The following INPP5F variants were observed in gnomAD, a reference collection of about 807,000 sequenced individuals.
INPP5F encodes inositol polyphosphate-5-phosphatase F, also known as phosphatidylinositide 4-phosphatase SAC2.
Under a neutral mutation model 137.2 loss-of-function variants are expected in INPP5F, and 97 were observed. The ratio of observed to expected loss-of-function variants is 0.71; its 90% CI spans 0.60 to 0.84. The LOEUF (loss-of-function observed/expected upper bound fraction) is 0.84. Ranked by LOEUF, INPP5F falls within the 40% of genes least tolerant of loss-of-function variation. The pLI is 0.00. For missense variants in INPP5F, 1,271 were observed against 1,371.9 expected, an observed-to-expected ratio of 0.93 and a Z score of 1.16; for synonymous variants, 504 against 476.9, an observed-to-expected ratio of 1.06 and a Z score of -0.74.
chr10:119,735,891 A>T (rs1848202019), intron 1 of INPP5F, among the ~76,000 whole-genome samples: 1 of 152,198 alleles, frequency 6.6e-6, no homozygotes, highest in Non-Finnish European at 1.5e-5. Flanking sequence ...CCACTTTGGG[A>T]GGCTGAAGTG....
intron 2 of INPP5F, among the ~76,000 whole-genome samples, chr10:119,779,298 G>A (rs1849627553): frequency 6.6e-6 from 1 of 152,174 alleles, no homozygotes; most frequent in East Asian, 1.9e-4. Flanking sequence ...GGATGAGTCA[G>A]TGAGTGAATG....
Position 119,827,850 on chromosome 10 carries a change from T to A in INPP5F, c.*70T>A. The A allele has an allele frequency of 8.9e-7, 1 of 1,123,954 alleles. No homozygotes were observed. 69.6% of individuals were successfully genotyped at this position (1,123,954 alleles called of 1,614,324 possible). ...GAAATTTTCACCTCTTGGGGTATTT[T>A]AATTGTACTGTCTGAACCCAGGGAT... On this transcript the variant is annotated 3_prime_UTR_variant, in exon 20 of 20. Transcript: ENST00000650623.
At chr10:119,763,519 C>T (rs941304603) in intron 2 of INPP5F, among the ~76,000 whole-genome samples, 5 of 152,200 alleles carry the variant, frequency 3.3e-5, no homozygotes, top group African/African-American at 1.2e-4. Flanking sequence ...GCCTGTAAAA[C>T]CCAGGAAGAC....
intron 3 of INPP5F, among the ~76,000 whole-genome samples, chr10:119,789,657 T>G (rs1850065477): frequency 6.6e-6 from 1 of 151,918 alleles, no homozygotes; most frequent in Non-Finnish European, 1.5e-5. Flanking sequence ...GACATCCCAG[T>G]GGAAATGTTG....
chr10:119,763,275 G>T (rs1451045012), intron 2 of INPP5F, among the ~76,000 whole-genome samples: 1 of 152,208 alleles, frequency 6.6e-6, no homozygotes, highest in African/African-American at 2.4e-5. Context: ...TGAGGTGGGG[G>T]CCCTGCCTCC....
rs1850223616 is a variant in INPP5F at position 119,793,605 on chromosome 10, C to T, written c.669+1392C>T. 3 of 152,206 alleles carry T rather than the reference C, an allele frequency of 2.0e-5. No individual in the cohort carries two copies. In the South Asian group the frequency reaches 6.2e-4, roughly 32 times the overall value. 9.4% of individuals were successfully genotyped at this position (152,206 alleles called of 1,614,324 possible). ...CTCTGCAGATAATAAGTTGAGAAAT[C>T]TGTCTTCTTAGTCTGAAAGAGACAG... On this transcript the variant is annotated intron_variant, in intron 6 of 19. Transcript: ENST00000650623.
At chr10:119,817,955 T>C (rs1564851272) in intron 15 of INPP5F, among the ~76,000 whole-genome samples, 3 of 152,230 alleles carry the variant, frequency 2.0e-5, no homozygotes, top group African/African-American at 7.2e-5. Flanking sequence ...TTTAAATATC[T>C]GGTGGAAAAA....
chr10:119,771,879 T>TATATATATAC (rs1849369241), intron 2 of INPP5F, among the ~76,000 whole-genome samples: 11 of 20,014 alleles, frequency 5.5e-4, no homozygotes, highest in Non-Finnish European at 6.6e-4. Flanking sequence ...TATATATATA[T>TATATATATAC]ATATTTTTTT....
intron 9 of INPP5F, 90 bp from the exon 10 acceptor site, chr10:119,804,083 C>T (rs1850683208): frequency 3.4e-6 from 3 of 883,696 alleles, no homozygotes; most frequent in South Asian, 2.1e-5. Context: ...TATTAAAAAC[C>T]ACACTGTGAT....
rs182819377 is a variant in INPP5F, at chr10:119,793,318, T to C, written c.669+1105T>C. Among the ~76,000 whole-genome samples the C allele has an allele frequency of 9.2e-5, 14 of 152,348 alleles. No individual in the cohort carries two copies. In the East Asian group the frequency reaches 2.7e-3, roughly 29 times the overall value. ...GAAATACAAATAATGGGAATGGTGATAAGAATGCAGGTAGATCCTTTACCT... is the reference window on the plus strand; with the variant it reads ...GAAATACAAATAATGGGAATGGTGACAAGAATGCAGGTAGATCCTTTACCT... On this transcript the variant is annotated intron_variant, in intron 6 of 19. Coordinates refer to ENST00000650623, the MANE Select transcript of INPP5F (RefSeq NM_014937.4).
chr10:119,789,971 T>C (rs1000984151), intron 3 of INPP5F, among the ~76,000 whole-genome samples: 10 of 149,802 alleles, frequency 6.7e-5, no homozygotes, highest in African/African-American at 2.0e-4. Flanking sequence ...ACCAAGAGCA[T>C]TGGATTTAGC....
intron 2 of INPP5F, among the ~76,000 whole-genome samples, chr10:119,778,732 TTC>T (rs1318698229): frequency 6.6e-6 from 1 of 152,160 alleles, no homozygotes; most frequent in African/African-American, 2.4e-5. Context: ...GTGCATACGG[TTC>T]TTTTTGTCTT....
At chr10:119,821,745 T>C (rs1851571235) in intron 16 of INPP5F, among the ~76,000 whole-genome samples, 1 of 147,348 alleles carries the variant, frequency 6.8e-6, no homozygotes, top group South Asian at 2.6e-4. Flanking sequence ...CCTCCGTCTC[T>C]TGCTCTGTGT....
At chr10:119,774,995 A>G (rs1415354113) in intron 2 of INPP5F, among the ~76,000 whole-genome samples, 2 of 152,138 alleles carry the variant, frequency 1.3e-5, no homozygotes, top group Non-Finnish European at 2.9e-5. Flanking sequence ...CATAGATCAA[A>G]AAATAAAAAA....
chr10:119,741,859 G>C (rs1409679531), intron 1 of INPP5F, among the ~76,000 whole-genome samples: 2 of 151,382 alleles, frequency 1.3e-5, no homozygotes, highest in African/African-American at 4.9e-5. Context: ...TTGAGATGGA[G>C]TCTCACTCTG....
At chr10:119,761,621 A>C (rs1849012997) in intron 2 of INPP5F, among the ~76,000 whole-genome samples, 2 of 151,862 alleles carry the variant, frequency 1.3e-5, no homozygotes, top group South Asian at 4.1e-4. Flanking sequence ...AATGTAAAAC[A>C]GAAAAATTCA....
Position 119,781,696 on chromosome 10 carries a change from C to T in INPP5F, c.240C>T (p.Asp80=). The change falls in exon 3 of 20, where the codon GAC becomes GAT. Residue 80 remains aspartate (D), a synonymous_variant. Transcript: ENST00000650623. ...QKALVGKLPG[D]HEVCKVTKIA... is the part of the protein sequence containing the mutation. ...CATTGGTGGGCAAACTCCCAGGAGA[C>T]CATGAGGTCTGTAAAGTTACCAAAA... 1 of 1,612,872 alleles carries T rather than the reference C, an allele frequency of 6.2e-7. No homozygotes were observed. Among genetic ancestry groups the T allele is most frequent in the Non-Finnish European group, 8.5e-7 (1 of 1,179,112 alleles).
chr10:119,818,868 C>T (rs1424872091), intron 15 of INPP5F: 3 of 152,344 alleles, frequency 2.0e-5, no homozygotes, highest in Non-Finnish European at 4.4e-5. Flanking sequence ...ACTGCCGCAG[C>T]AGCCGAGCCC....
chr10:119,772,514 A>G (rs1480596686), intron 2 of INPP5F, among the ~76,000 whole-genome samples: 3 of 152,100 alleles, frequency 2.0e-5, no homozygotes, highest in African/African-American at 7.2e-5. Context: ...AGTGTGATTT[A>G]CCACCCAGAT....
Sources: allele counts gnomAD v4.1 joint callset (sites outside exome capture counted in the v4.1 genomes callset), GRCh38; gene constraint gnomAD v4.1.1; transcripts MANE v1.5; gene names NCBI Gene and HGNC (gene_info 2026-07-23, HGNC 2026-07-21).